NUCB1: variants seen among roughly 807,000 people sequenced by gnomAD.
NUCB1 encodes nucleobindin-1.
A neutral mutation model predicts 61.2 loss-of-function variants in NUCB1; 47 were observed. That is an observed-to-expected ratio of 0.77 (90% CI 0.61 to 0.98). NUCB1 has a LOEUF of 0.98. Among genes scored for constraint, NUCB1 ranks in the 50% least tolerant of loss-of-function variants. The probability of loss-of-function intolerance (pLI) is 0.00; values close to 1 mark genes in which losing one functional copy is unlikely to be tolerated. For missense variants in NUCB1, 583 were observed against 605.3 expected (o/e 0.96, Z 0.39); for synonymous variants, 234 against 243.1 (o/e 0.96, Z 0.35).
At chr19:48,916,496 T>C (rs752661698) in intron 7 of NUCB1, among the ~76,000 whole-genome samples, 10 of 152,066 alleles carry the variant, frequency 6.6e-5, no homozygotes, top group Non-Finnish European at 1.3e-4. Context: ...GGCGTGCATC[T>C]GTAGTCCCAG....
At chr19:48,910,907 G>T (rs938503942) in intron 4 of NUCB1, 6 of 403,078 alleles carry the variant, frequency 1.5e-5, no homozygotes, top group Non-Finnish European at 2.3e-5. Context: ...AAGTGCTTAG[G>T]GCATGGCCTG....
chr19:48,911,909 A>T (rs1393453641), intron 5 of NUCB1, among the ~76,000 whole-genome samples: 2 of 152,110 alleles, frequency 1.3e-5, no homozygotes, highest in African/African-American at 4.8e-5. Context: ...AGGCTGAGTA[A>T]CTTGCCCAGT....
intron 4 of NUCB1, among the ~76,000 whole-genome samples, chr19:48,908,648 CGTGTGTGTGTGTGTGTGTGT>C (rs58211997): frequency 3.5e-4 from 30 of 86,548 alleles, no homozygotes; most frequent in African/African-American, 1.2e-3. Flanking sequence ...TCTAGCTGCC[CGTGTGTGTGTGTGTGTGTGT>C]GTGTGTGTGT....
chr19:48,922,770 C>A lies in NUCB1; in HGVS notation c.*346C>A. On this transcript the variant is annotated 3_prime_UTR_variant, in exon 13 of 13. Coordinates refer to ENST00000405315, the MANE Select transcript of NUCB1 (RefSeq NM_006184.6). ...AGCCTGCGTTCCTAGGTGGCTCGGC[C>A]TCAGCTGCCTGGGTTGTGGCCGCCC... 2 of 233,310 alleles carry A rather than the reference C, an allele frequency of 8.6e-6. No individual in the cohort carries two copies. The highest frequency in any genetic ancestry group is 8.6e-6 in the Non-Finnish European group (1 of 116,212). 14.5% of individuals were successfully genotyped at this position (233,310 alleles called of 1,614,324 possible). A position where few individuals can be genotyped will look rare whatever the true frequency, so the allele number is the denominator to read the frequency against.
In NUCB1 at chr19:48,919,141, G is replaced by A. The variant is rs1463084141; in HGVS notation, c.909+19G>A. ...GAAGAATGTGAGGTGGGGGCCAGGC[G>A]GGGGAGAGGACGGGCCCCCAGCTCT... On this transcript the variant is annotated intron_variant, in intron 9 of 12. Transcript: ENST00000405315. 2.4e-5 allele frequency: 39 copies of A among 1,613,464 alleles called. No individual in the cohort carries two copies. The highest frequency in any genetic ancestry group is 3.2e-5 in the Non-Finnish European group (38 of 1,179,574).
At chr19:48,908,157 G>A (rs1020541192) in intron 4 of NUCB1, among the ~76,000 whole-genome samples, 2 of 152,140 alleles carry the variant, frequency 1.3e-5, no homozygotes, top group African/African-American at 4.8e-5. Flanking sequence ...TTGAGACAGA[G>A]TCTCACTCTG....
chr19:48,907,717 C>T (rs2037427504), intron 4 of NUCB1, among the ~76,000 whole-genome samples: 1 of 152,192 alleles, frequency 6.6e-6, no homozygotes, highest in African/African-American at 2.4e-5. Flanking sequence ...AGGCTCTTCC[C>T]GTCCCTCCTC....
At chr19:48,919,740 A>C (rs1386566730) in intron 10 of NUCB1, among the ~76,000 whole-genome samples, 1 of 148,392 alleles carries the variant, frequency 6.7e-6, no homozygotes, top group Non-Finnish European at 1.5e-5. Flanking sequence ...GGCCTCCCAA[A>C]GTGCTGGGAT....
At chr19:48,920,388 G>GT (rs1462242178) in intron 10 of NUCB1, among the ~76,000 whole-genome samples, 1 of 152,130 alleles carries the variant, frequency 6.6e-6, no homozygotes, top group Non-Finnish European at 1.5e-5. Flanking sequence ...GTGCAGTGGT[G>GT]TAATCATAGT....
intron 2 of NUCB1, among the ~76,000 whole-genome samples, chr19:48,901,519 TTTGGGAGG>T (rs1555790859): frequency 2.0e-5 from 3 of 152,182 alleles, no homozygotes; most frequent in Non-Finnish European, 4.4e-5. Flanking sequence ...ATCCTAGCAC[TTTGGGAGG>T]CCGAGACAGG....
At chr19:48,901,822 G>A (rs2037355967) in intron 2 of NUCB1, among the ~76,000 whole-genome samples, 1 of 152,202 alleles carries the variant, frequency 6.6e-6, no homozygotes, top group South Asian at 2.1e-4. Context: ...CCCTGGAACG[G>A]ATCATTGCAT....
intron 7 of NUCB1, among the ~76,000 whole-genome samples, chr19:48,915,796 G>A (rs956693268): frequency 6.6e-6 from 1 of 151,276 alleles, no homozygotes; most frequent in Non-Finnish European, 1.5e-5. Context: ...CCATCCCACC[G>A]GGCACCACCC....
At position 48,913,027 on chromosome 19, in the gene NUCB1, C is replaced by T. The variant is rs767591310; in HGVS notation, c.497C>T (p.Ala166Val). The change falls in exon 6 of 13, where the codon GCC (alanine) becomes GTC (valine). Residue 166 changes from alanine (A) to valine (V), a missense_variant. Ala to Val is a moderately conservative substitution (Grantham distance 64). Coordinates refer to ENST00000405315, the MANE Select transcript of NUCB1 (RefSeq NM_006184.6). ...TTTCCCCAGGCCACCCGGGACCTTGCCCAGTACGACGCAGCCCATCATGAA... is the reference window on the plus strand; with the variant it reads ...TTTCCCCAGGCCACCCGGGACCTTGTCCAGTACGACGCAGCCCATCATGAA... ...LLIQTATRDL[A>V]QYDAAHHEEF... 8.7e-6 allele frequency: 14 copies of T among 1,610,956 alleles called. No homozygotes were observed. In the Admixed American group the frequency reaches 1.7e-4, roughly 19 times the overall value.
In NUCB1 at chr19:48,919,222, C is replaced by T. The variant is rs2037578048; in HGVS notation, c.938C>T (p.Thr313Ile). 6.2e-7 allele frequency: 1 copy of T among 1,614,024 alleles called. No individual in the cohort carries two copies. The highest frequency in any genetic ancestry group is 8.5e-7 in the Non-Finnish European group (1 of 1,179,956). ...GACACCAACCAGGACCGCCTCGTGA[C>T]CCTGGAGGAGTTCCTCGCATCCACT... ...NVDTNQDRLV[T>I]LEEFLASTQR... The change falls in exon 10 of 13, where the codon ACC (threonine) becomes ATC (isoleucine). Residue 313 changes from threonine (T) to isoleucine (I), a missense_variant. By Grantham distance (89) the Thr-to-Ile change is moderately conservative. Coordinates refer to ENST00000405315, the MANE Select transcript of NUCB1 (RefSeq NM_006184.6).
At chr19:48,917,787 C>T (rs2037557599) in intron 7 of NUCB1, among the ~76,000 whole-genome samples, 1 of 151,398 alleles carries the variant, frequency 6.6e-6, no homozygotes, top group African/African-American at 2.4e-5. Flanking sequence ...TGAGCCACCG[C>T]ACCCGGCCCA....
intron 3 of NUCB1, 94 bp downstream of exon 3, chr19:48,904,548 G>A (rs1357921846): frequency 1.9e-5 from 14 of 720,880 alleles, no homozygotes; most frequent in Non-Finnish European, 3.0e-5. Flanking sequence ...TTTTTGAGAC[G>A]GAGTCTTGCT....
intron 7 of NUCB1, among the ~76,000 whole-genome samples, chr19:48,914,673 G>A (rs909474285): frequency 6.6e-6 from 1 of 152,148 alleles, no homozygotes; most frequent in Admixed American, 6.5e-5. Context: ...TGGGCTGGGT[G>A]TAGTGGCTCA....
intron 7 of NUCB1, among the ~76,000 whole-genome samples, chr19:48,915,978 G>C (rs1038022435): frequency 6.6e-6 from 1 of 152,034 alleles, no homozygotes; most frequent in Non-Finnish European, 1.5e-5. Context: ...CAGTTCAATA[G>C]TATTAAGTAT....
At chr19:48,917,601 A>G (rs2037555483) in intron 7 of NUCB1, among the ~76,000 whole-genome samples, 1 of 152,078 alleles carries the variant, frequency 6.6e-6, no homozygotes, top group Non-Finnish European at 1.5e-5. Flanking sequence ...GGTTCAAGCT[A>G]TTCTCCTGCC....
Sources: gnomAD v4.1 joint callset for allele counts (sites outside exome capture counted in the v4.1 genomes callset) on GRCh38, gnomAD v4.1.1 for gene constraint, MANE v1.5 for transcripts, NCBI Gene and HGNC (gene_info 2026-07-23, HGNC 2026-07-21) for gene names.